The following NRXN2 variants were observed in gnomAD, a reference collection of about 807,000 sequenced individuals.
NRXN2 encodes the protein neurexin 2.
NRXN2 carries 29 observed loss-of-function variants against 128.8 expected under a neutral mutation model. That is an observed-to-expected ratio of 0.23 (90% CI 0.17 to 0.31). The LOEUF (loss-of-function observed/expected upper bound fraction) is 0.31. NRXN2 is among the 10% of genes least tolerant of loss of function. The probability of loss-of-function intolerance (pLI) is 1.00; values close to 1 mark genes in which losing one functional copy is unlikely to be tolerated. For synonymous variants in NRXN2, 1,098 were observed against 1,075.2 expected (o/e 1.02, Z -0.41); for missense variants, 1,881 against 2,452.6 (o/e 0.77, Z 4.92).
rs1245842485 is a variant in NRXN2 at position 64,660,710 on chromosome 11, A to C, written c.2185+43T>G. ...GAGTCACCCTGAGAAGGAGGAGCAC[A>C]GGGATAGGGAGCAGGGACACCTAGG... On this transcript the variant is annotated intron_variant, in intron 10 of 22. Coordinates refer to ENST00000265459, the MANE Select transcript of NRXN2 (RefSeq NM_015080.4). This position sits in a 1 kb window ranked among gnomAD's most constrained non-coding sequence, Gnocchi z 5.2. The C allele has an allele frequency of 6.2e-7, 1 of 1,605,154 alleles. No individual in the cohort carries two copies. The highest frequency in any genetic ancestry group is 8.5e-7 in the Non-Finnish European group (1 of 1,179,886).
At chr11:64,650,802 G>A (rs2047354992) in intron 14 of NRXN2, among the ~76,000 whole-genome samples, 164 bp from the exon 15 acceptor site, 1 of 152,156 alleles carries the variant, frequency 6.6e-6, no homozygotes, top group Non-Finnish European at 1.5e-5. Flanking sequence ...AGAGGGCTAT[G>A]GTGTGAGGTC....
chr11:64,639,810 G>A (rs1483252753), intron 17 of NRXN2, among the ~76,000 whole-genome samples: 1 of 152,102 alleles, frequency 6.6e-6, no homozygotes, highest in Non-Finnish European at 1.5e-5. Context: ...AAGGAGAGAG[G>A]CTGCCTCCCA....
intron 22 of NRXN2, among the ~76,000 whole-genome samples, chr11:64,608,472 T>C (rs943326400): frequency 6.6e-6 from 1 of 151,234 alleles, no homozygotes; most frequent in Non-Finnish European, 1.5e-5. Context: ...GGGTTTTTTT[T>C]CTAGATTTTT....
At chr11:64,697,399 G>C (rs1433994522) in intron 3 of NRXN2, among the ~76,000 whole-genome samples, 1 of 152,138 alleles carries the variant, frequency 6.6e-6, no homozygotes, top group Non-Finnish European at 1.5e-5. Flanking sequence ...CCAGCATCTG[G>C]AAAATTGCCT....
chr11:64,618,266 G>A (rs969570991), intron 22 of NRXN2, among the ~76,000 whole-genome samples: 1 of 152,150 alleles, frequency 6.6e-6, no homozygotes, highest in Non-Finnish European at 1.5e-5. Flanking sequence ...GCAGAGTATG[G>A]CCCAGGTGGG....
chr11:64,636,896 G>A (rs1211206419), intron 17 of NRXN2, among the ~76,000 whole-genome samples: 2 of 152,154 alleles, frequency 1.3e-5, no homozygotes, highest in African/African-American at 2.4e-5. Context: ...GCAATCAGGG[G>A]TGAGGAGGCT....
intron 17 of NRXN2, among the ~76,000 whole-genome samples, chr11:64,641,412 G>C (rs1403851684): frequency 2.0e-5 from 3 of 152,124 alleles, no homozygotes; most frequent in East Asian, 1.9e-4. Context: ...CAGAAGTCCT[G>C]AGATGGAACG....
At chr11:64,678,898 C>A (rs2051747100) in intron 6 of NRXN2, among the ~76,000 whole-genome samples, 1 of 152,028 alleles carries the variant, frequency 6.6e-6, no homozygotes, top group South Asian at 2.1e-4. Context: ...TGAATAAGGG[C>A]CTCATATAAT....
chr11:64,626,256 C>A (rs1318903663), intron 20 of NRXN2, among the ~76,000 whole-genome samples: 1 of 152,056 alleles, frequency 6.6e-6, no homozygotes, highest in Admixed American at 6.6e-5. Context: ...TAAGAAAAAA[C>A]CCCACTCCTA....
chr11:64,638,063 G>C (rs1230880358), intron 17 of NRXN2, among the ~76,000 whole-genome samples: 1 of 152,190 alleles, frequency 6.6e-6, no homozygotes, highest in African/African-American at 2.4e-5. Context: ...GAAACATGGC[G>C]GTGAAGGCAC....
intron 7 of NRXN2, among the ~76,000 whole-genome samples, chr11:64,669,168 G>A (rs1591980957): frequency 1.3e-5 from 2 of 152,198 alleles, no homozygotes; most frequent in African/African-American, 4.8e-5. Flanking sequence ...ATAGCAGTGT[G>A]AGGAGCAGGA....
At chr11:64,711,347 C>A (rs1188556806) in intron 2 of NRXN2, among the ~76,000 whole-genome samples, 1 of 152,226 alleles carries the variant, frequency 6.6e-6, no homozygotes, top group Non-Finnish European at 1.5e-5. Context: ...AGGCCTGAGG[C>A]ACACACGAGC....
chr11:64,624,327 A>ATGATG (rs2042797457), intron 20 of NRXN2, among the ~76,000 whole-genome samples: 2 of 152,234 alleles, frequency 1.3e-5, no homozygotes, highest in Admixed American at 6.5e-5. Context: ...TCCAGCCTCT[A>ATGATG]GCCAATGATG....
In NRXN2 at chr11:64,642,979, C is replaced by G. The variant is rs1390790111; in HGVS notation, c.3403+5240G>C. On this transcript the variant is annotated intron_variant, in intron 17 of 22. Coordinates refer to ENST00000265459, the MANE Select transcript of NRXN2 (RefSeq NM_015080.4). Reference sequence around the variant, plus strand: ...GCCAACAAAATCAACTGGATCCCGCCGGGAAATCGGGGGTCCGCGGAGCGG... The same window carrying G: ...GCCAACAAAATCAACTGGATCCCGCGGGGAAATCGGGGGTCCGCGGAGCGG... 3 of 1,014,070 alleles carry G rather than the reference C, an allele frequency of 3.0e-6. No individual in the cohort carries two copies. In the African/African-American group the frequency reaches 5.2e-5, roughly 18 times the overall value. The allele number at this position is 1,014,070 out of a possible 1,614,324, so 62.8% of individuals were successfully genotyped here. A position where few individuals can be genotyped will look rare whatever the true frequency, so the allele number is the denominator to read the frequency against.
At chr11:64,705,317 T>A (rs181004790) in intron 2 of NRXN2, among the ~76,000 whole-genome samples, 16 of 152,244 alleles carry the variant, frequency 1.1e-4, no homozygotes, top group Non-Finnish European at 2.1e-4. Flanking sequence ...AGCTCTTACA[T>A]CTCTGAGCCT....
intron 2 of NRXN2, among the ~76,000 whole-genome samples, chr11:64,704,400 T>G (rs1474166390): frequency 1.3e-5 from 2 of 152,058 alleles, no homozygotes; most frequent in African/African-American, 4.8e-5. Context: ...CTACACACAC[T>G]GCCTAGAAGG....
intron 11 of NRXN2, among the ~76,000 whole-genome samples, chr11:64,658,047 C>T (rs2048506271): frequency 6.6e-6 from 1 of 152,160 alleles, no homozygotes; most frequent in Non-Finnish European, 1.5e-5. Flanking sequence ...GGGTGGGTCC[C>T]AAGGGCCCAC....
intron 17 of NRXN2, among the ~76,000 whole-genome samples, chr11:64,637,034 G>A (rs924757035): frequency 6.6e-6 from 1 of 152,110 alleles, no homozygotes; most frequent in Non-Finnish European, 1.5e-5. Flanking sequence ...TTCCCAAAGA[G>A]GTAGTGAGGC....
At chr11:64,626,138 C>T (rs2043039227) in intron 20 of NRXN2, among the ~76,000 whole-genome samples, 1 of 152,110 alleles carries the variant, frequency 6.6e-6, no homozygotes, top group Non-Finnish European at 1.5e-5. Flanking sequence ...TCCCAGCCTG[C>T]TTGTGATTTA....
Sources: allele counts gnomAD v4.1 joint callset (sites outside exome capture counted in the v4.1 genomes callset), GRCh38; gene constraint gnomAD v4.1.1; non-coding constraint Gnocchi (gnomAD v3.1); transcripts MANE v1.5; gene names NCBI Gene and HGNC (gene_info 2026-07-23, HGNC 2026-07-21).